Variants in USP35 observed in about 807,000 individuals in gnomAD.
USP35 encodes the protein ubiquitin carboxyl-terminal hydrolase 35.
USP35 carries 69 observed loss-of-function variants against 83.8 expected under a neutral mutation model. That is an observed-to-expected ratio of 0.82 (90% confidence interval 0.68 to 1.01). USP35 has a LOEUF of 1.01. Ranked by LOEUF, USP35 falls within the 50% of genes least tolerant of loss-of-function variation. The pLI, the probability that USP35 is intolerant of heterozygous loss-of-function variation, is 0.00. For synonymous variants in USP35, 714 were observed against 589.5 expected, an observed-to-expected ratio of 1.21 and a Z score of -3.06; for missense variants, 1,503 against 1,362.5, an observed-to-expected ratio of 1.10 and a Z score of -1.62.
chr11:78,202,190 G>C (rs1863378580), intron 6 of USP35, among the ~76,000 whole-genome samples: 1 of 152,212 alleles, frequency 6.6e-6, no homozygotes, highest in Non-Finnish European at 1.5e-5. Flanking sequence ...TGAGTTGGTA[G>C]GGACAGGAGG....
chr11:78,221,318 T>G, the USP35 span, among the ~76,000 whole-genome samples: 2 of 152,232 alleles, frequency 1.3e-5, no homozygotes, highest in Non-Finnish European at 2.9e-5. Flanking sequence ...AAGTGAGTTA[T>G]GTGCACGTAT....
At chr11:78,222,017 C>A in the USP35 span, 1 of 871,504 alleles carries the variant, frequency 1.1e-6, no homozygotes, top group Non-Finnish European at 2.0e-6. Context: ...CAGAATCCAG[C>A]TGTCCCGGCC....
intron 1 of USP35, among the ~76,000 whole-genome samples, chr11:78,194,651 C>T (rs946990536): frequency 6.6e-6 from 1 of 152,108 alleles, no homozygotes; most frequent in Admixed American, 6.5e-5. Context: ...TGGTGTGGGA[C>T]AAAGTCTTCA....
At position 78,213,776 on chromosome 11, in the gene USP35, G is replaced by C. The variant is rs748560857; in HGVS notation, c.3020G>C (p.Gly1007Ala). Residue 1007 changes from glycine (G) to alanine (A), a missense_variant, in exon 11 of 11, where the codon GGT becomes GCT. Physicochemically the swap from Gly to Ala is moderately conservative, Grantham distance 60. Coordinates refer to ENST00000529308, the MANE Select transcript of USP35 (RefSeq NM_020798.4). ...TCTCCAGGGGGCTGCAATCCTGCAGGTGGCAATGGTGGTGACTTCCACAGA... is the reference window on the plus strand; with the variant it reads ...TCTCCAGGGGGCTGCAATCCTGCAGCTGGCAATGGTGGTGACTTCCACAGA... ...EGSPGGCNPA[G>A]GNGGDFHRLV... is the part of the protein sequence containing the mutation. 2 of 1,549,218 alleles carry C rather than the reference G, an allele frequency of 1.3e-6. No homozygotes were observed. The highest frequency in any genetic ancestry group is 1.7e-4 in the Middle Eastern group (1 of 5,872).
At chr11:78,203,342 A>C (rs538695246) in intron 6 of USP35, among the ~76,000 whole-genome samples, 1 of 152,176 alleles carries the variant, frequency 6.6e-6, no homozygotes, top group East Asian at 1.9e-4. Flanking sequence ...GTTTGGTGGT[A>C]ATGTGTGAGG....
At chr11:78,199,488 G>A in intron 3 of USP35, 107 bp from the exon 4 acceptor site, 1 of 1,531,226 alleles carries the variant, frequency 6.5e-7, no homozygotes. Flanking sequence ...CTTTGCAGGT[G>A]TGAGTCAATG....
the USP35 span, among the ~76,000 whole-genome samples, chr11:78,234,807 C>A: frequency 1.3e-5 from 2 of 151,784 alleles, no homozygotes; most frequent in African/African-American, 4.8e-5. Context: ...TTAAAAATTT[C>A]TTTGGTTGCT....
chr11:78,198,507 C>G, intron 3 of USP35: 1 of 603,858 alleles, frequency 1.7e-6, no homozygotes, highest in Non-Finnish European at 2.1e-6. Context: ...CTCATCTGAA[C>G]GTCCTCCTCC....
intron 6 of USP35, among the ~76,000 whole-genome samples, chr11:78,202,486 C>T (rs1863385787): frequency 6.6e-6 from 1 of 152,002 alleles, no homozygotes; most frequent in African/African-American, 2.4e-5. Context: ...CTTGTAGTAC[C>T]CAAGGGTAAC....
Position 78,205,797 on chromosome 11 carries a change from A to C in USP35, c.1198-45A>C, listed in dbSNP as rs200266403. ...GAAGAGGTGGTAGTTTTTTGAGCTGACCCTGGTGCCCACCATCCTGCCTGC... is the reference window on the plus strand; with the variant it reads ...GAAGAGGTGGTAGTTTTTTGAGCTGCCCCTGGTGCCCACCATCCTGCCTGC... On this transcript the variant is annotated intron_variant, in intron 6 of 10. Coordinates refer to ENST00000529308, the MANE Select transcript of USP35 (RefSeq NM_020798.4). The C allele has an allele frequency of 1.7e-3, 2,726 of 1,566,328 alleles. 6 individuals are homozygous for C. Among genetic ancestry groups the C allele is most frequent in the Non-Finnish European group, 2.1e-3 (2,419 of 1,152,882 alleles).
chr11:78,189,317 T>C (rs781419302), intron 1 of USP35, among the ~76,000 whole-genome samples, 160 bp downstream of exon 1: 1 of 152,162 alleles, frequency 6.6e-6, no homozygotes, highest in Non-Finnish European at 1.5e-5. Flanking sequence ...GAGTAGCTAT[T>C]CCTCTCTGGG....
chr11:78,200,224 C>A lies in USP35; in HGVS notation c.1028C>A (p.Ala343Asp), dbSNP rs1248057729. ...CTGACCTTCCAGCACTCCCACGAAG[C>A]CTTCCACCTGGTAAGGTCCCCTGCC... is the stretch of plus-strand genomic sequence containing the variant. ...MLLTFQHSHEAFHLLLPHIPP... is the reference protein window; with the variant it reads ...MLLTFQHSHEDFHLLLPHIPP... Residue 343 changes from alanine (A) to aspartate (D), a missense_variant, in exon 5 of 11, where the codon GCC becomes GAC. Ala to Asp is a moderately radical substitution (Grantham distance 126). Coordinates refer to ENST00000529308, the MANE Select transcript of USP35 (RefSeq NM_020798.4). The A allele has an allele frequency of 1.9e-6, 3 of 1,614,194 alleles. No individual in the cohort carries two copies. Among genetic ancestry groups the A allele is most frequent in the South Asian group, 2.2e-5 (2 of 91,086 alleles).
At chr11:78,226,352 C>G in the USP35 span, 1 of 824,364 alleles carries the variant, frequency 1.2e-6, no homozygotes, top group African/African-American at 1.7e-5. Context: ...TATCAGTGAC[C>G]TAGGTGGTTC....
At chr11:78,200,077 C>G in intron 4 of USP35, 56 bp from the exon 5 acceptor site, 1 of 1,582,240 alleles carries the variant, frequency 6.3e-7, no homozygotes, top group Non-Finnish European at 8.7e-7. Context: ...GCTTGTGATT[C>G]TACTTGGCCT....
Position 78,200,705 on chromosome 11 carries a change from C to A in USP35, c.1094C>A (p.Ser365Ter). ...TCTCTGGTCAAGGAGGACTCGAACT[C>A]GGGGACCAGCTGCCTGGAGCAGCTG... is the stretch of plus-strand genomic sequence containing the variant. ...VASLVKEDSN[S>*]GTSCLEQLAE... is the part of the protein sequence containing the mutation. The change falls in exon 6 of 11, where the codon TCG becomes TAG. Residue 365 changes from serine (S) to a stop codon, truncating the protein, a stop_gained. Coordinates refer to ENST00000529308, the MANE Select transcript of USP35 (RefSeq NM_020798.4). LOFTEE classifies it high-confidence loss of function. 6.2e-7 allele frequency: 1 copy of A among 1,614,090 alleles called. No individual in the cohort carries two copies. Among genetic ancestry groups the A allele is most frequent in the Non-Finnish European group, 8.5e-7 (1 of 1,179,982 alleles).
At chr11:78,220,292 C>T in the USP35 span, 6 of 1,611,038 alleles carry the variant, frequency 3.7e-6, no homozygotes, top group Non-Finnish European at 5.1e-6. Flanking sequence ...AGAGCTCTTA[C>T]TGCCCCCCCA....
At chr11:78,226,489 T>C in the USP35 span, 12 of 1,613,862 alleles carry the variant, frequency 7.4e-6, no homozygotes, top group East Asian at 1.8e-4. Context: ...CTGTTGTCCA[T>C]TGCAGGGAGG....
intron 6 of USP35, among the ~76,000 whole-genome samples, chr11:78,205,440 G>T (rs527729141): frequency 7.2e-5 from 11 of 152,356 alleles, no homozygotes; most frequent in African/African-American, 2.2e-4. Context: ...ACCAGAGTTG[G>T]GGCTGGCACT....
downstream of USP35, chr11:78,217,367 A>G (rs2134443993): frequency 6.6e-6 from 1 of 152,326 alleles, no homozygotes; most frequent in East Asian, 1.9e-4. Flanking sequence ...GAGTTGATCT[A>G]AACTAATGCT....
Sources: allele counts gnomAD v4.1 joint callset (sites outside exome capture counted in the v4.1 genomes callset), GRCh38; gene constraint gnomAD v4.1.1; transcripts MANE v1.5; gene names NCBI Gene and HGNC (gene_info 2026-07-23, HGNC 2026-07-21).